The following TTYH2 variants were observed in gnomAD, a reference collection of about 807,000 sequenced individuals.
The protein encoded by TTYH2 is tweety family member 2.
TTYH2 carries 49 observed loss-of-function variants against 68.3 expected under a neutral mutation model. The observed-to-expected ratio is 0.72, with a 90% CI of 0.57 to 0.91. TTYH2 has a LOEUF of 0.91. TTYH2 is among the 40% of genes least tolerant of loss of function. TTYH2 has a pLI of 0.00. For missense variants in TTYH2, 631 were observed against 700.4 expected, an observed-to-expected ratio of 0.90 and a Z score of 1.12; for synonymous variants, 272 against 300.8, an observed-to-expected ratio of 0.90 and a Z score of 0.99.
chr17:74,243,944 G>C (rs535889583), intron 5 of TTYH2, 33 bp from the exon 6 acceptor site: 11 of 1,604,692 alleles, frequency 6.9e-6, no homozygotes, highest in Non-Finnish European at 9.3e-6. Flanking sequence ...AGGGGACCCC[G>C]CCTGCCAACG....
At chr17:74,219,123 A>C (rs918033453) in intron 1 of TTYH2, among the ~76,000 whole-genome samples, 1 of 152,062 alleles carries the variant, frequency 6.6e-6, no homozygotes, top group Admixed American at 6.5e-5. Context: ...AGGCTGAGGC[A>C]GGAGAATCAC....
rs2050521984 is a variant in TTYH2, at chr17:74,243,415, T to C, written c.677T>C (p.Ile226Thr). The change falls in exon 5 of 14, where the codon ATC becomes ACC. Residue 226 changes from isoleucine (I) to threonine (T), a missense_variant. Transcript: ENST00000269346. ...CTGCTCTTTATCCTGGACCTGGTCATCTGCCTCATTGCCTGCCTGGGACTG... is the reference window on the plus strand; with the variant it reads ...CTGCTCTTTATCCTGGACCTGGTCACCTGCCTCATTGCCTGCCTGGGACTG... The part of the protein sequence containing the change: ...YLLLFILDLV[I>T]CLIACLGLAK... 1.2e-6 allele frequency: 2 copies of C among 1,614,212 alleles called. No individual in the cohort carries two copies. Among genetic ancestry groups the C allele is most frequent in the East Asian group, 4.5e-5 (2 of 44,886 alleles).
chr17:74,231,941 TG>T (rs1242424175), intron 3 of TTYH2, among the ~76,000 whole-genome samples: 1 of 152,134 alleles, frequency 6.6e-6, no homozygotes, highest in Non-Finnish European at 1.5e-5. Flanking sequence ...GCTGGGGACC[TG>T]GCCCAGGGAG....
chr17:74,251,294 T>G (rs1598231983), intron 10 of TTYH2, among the ~76,000 whole-genome samples: 1 of 149,476 alleles, frequency 6.7e-6, no homozygotes, highest in Non-Finnish European at 1.5e-5. Context: ...ATGTGTGTGG[T>G]GTGTGTGCAT....
At chr17:74,235,379 C>T (rs554403914) in intron 3 of TTYH2, among the ~76,000 whole-genome samples, 5 of 152,328 alleles carry the variant, frequency 3.3e-5, no homozygotes, top group East Asian at 3.9e-4. Flanking sequence ...GCCCCACTCC[C>T]GGCCCGTTGT....
intron 2 of TTYH2, among the ~76,000 whole-genome samples, chr17:74,230,581 T>C (rs2050378275): frequency 6.6e-6 from 1 of 152,028 alleles, no homozygotes; most frequent in African/African-American, 2.4e-5. Flanking sequence ...GCAGCAGATA[T>C]ATGGGAACTC....
At chr17:74,218,799 G>A (rs373654636) in intron 1 of TTYH2, among the ~76,000 whole-genome samples, 1 of 152,198 alleles carries the variant, frequency 6.6e-6, no homozygotes, top group Non-Finnish European at 1.5e-5. Context: ...AGATTCAGGA[G>A]CTTTTCCCAC....
intron 4 of TTYH2, among the ~76,000 whole-genome samples, chr17:74,240,438 CAAA>C (rs762865595): frequency 2.5e-5 from 3 of 117,836 alleles, no homozygotes; most frequent in Non-Finnish European, 3.7e-5. Context: ...GACTCTGTCT[CAAA>C]AAAAAAAAAA....
chr17:74,244,302 C>T (rs1418540216), intron 6 of TTYH2, among the ~76,000 whole-genome samples: 1 of 152,230 alleles, frequency 6.6e-6, no homozygotes, highest in African/African-American at 2.4e-5. Flanking sequence ...GAGAGAAGCC[C>T]CCGGCTGCCC....
chr17:74,248,941 G>A (rs917176650), intron 6 of TTYH2, 70 bp from the exon 7 acceptor site: 87 of 1,606,356 alleles, frequency 5.4e-5, no homozygotes, highest in South Asian at 7.7e-5. Context: ...ATGGGCTCCC[G>A]GCTCCTCCCA....
Position 74,243,993 on chromosome 17 carries a change from G to A in TTYH2, c.748G>A (p.Ala250Thr). The A allele has an allele frequency of 6.2e-7, 1 of 1,612,180 alleles. No homozygotes were observed. The highest frequency in any genetic ancestry group is 8.5e-7 in the Non-Finnish European group (1 of 1,179,944). ...CTCTCCTAGGATGCTGTGCTGTGGG[G>A]CACTGAGCCTGCTCCTCAGTTGGGC... is the stretch of plus-strand genomic sequence containing the variant. The part of the protein sequence containing the change: ...CLLASMLCCG[A>T]LSLLLSWASL... Residue 250 changes from alanine (A) to threonine (T), a missense_variant, in exon 6 of 14, where the codon GCA becomes ACA. Coordinates refer to ENST00000269346, the MANE Select transcript of TTYH2 (RefSeq NM_032646.6).
At chr17:74,249,195 A>C (rs1363348889) in intron 7 of TTYH2, 115 bp downstream of exon 7, 2 of 1,565,928 alleles carry the variant, frequency 1.3e-6, no homozygotes, top group Non-Finnish European at 1.8e-6. Flanking sequence ...CTGAACTTCA[A>C]GTCCAGCTCA....
intron 4 of TTYH2, among the ~76,000 whole-genome samples, chr17:74,242,790 C>T (rs1485103393): frequency 6.6e-6 from 1 of 152,056 alleles, no homozygotes; most frequent in African/African-American, 2.4e-5. Flanking sequence ...GAGGCAGGCA[C>T]CTTAGGGGCT....
At chr17:74,257,805 G>T (rs1193654167) in intron 13 of TTYH2, among the ~76,000 whole-genome samples, 2 of 152,186 alleles carry the variant, frequency 1.3e-5, no homozygotes, top group African/African-American at 4.8e-5. Flanking sequence ...AGGAGCCTGG[G>T]AGATTCTAAG....
At chr17:74,238,943 TC>T (rs2050471929) in intron 4 of TTYH2, among the ~76,000 whole-genome samples, 1 of 151,994 alleles carries the variant, frequency 6.6e-6, no homozygotes, top group Middle Eastern at 3.4e-3. Flanking sequence ...ACTCCTGGCC[TC>T]AAGCAATCCT....
At position 74,243,455 on chromosome 17, in the gene TTYH2, G is replaced by A. The variant is rs772349848; in HGVS notation, c.717G>A (p.Lys239=). ...IACLGLAKRS[K]CLLASMLCCG... ...GCCTGGGACTGGCCAAGCGCTCCAA[G>A]TGTCTCCTGGCCTCGTGAGTATCCC... The change falls in exon 5 of 14, where the codon AAG becomes AAA. Residue 239 remains lysine, a synonymous_variant. Transcript: ENST00000269346. The A allele has an allele frequency of 8.1e-6, 13 of 1,614,182 alleles. No homozygotes were observed. Among genetic ancestry groups the A allele is most frequent in the Non-Finnish European group, 1.1e-5 (13 of 1,180,022 alleles).
chr17:74,249,474 A>G (rs1870991), intron 8 of TTYH2, 75 bp downstream of exon 8: 605,939 of 1,523,892 alleles, frequency 0.4, 124,316 homozygotes, highest in African/African-American at 0.55. Context: ...CCACTGACCA[A>G]GATGGCGGAG....
rs530583179 is a variant in TTYH2 at position 74,219,969 on chromosome 17, T to C, written c.130-2516T>C. Among the ~76,000 whole-genome samples the C allele has an allele frequency of 4.6e-4, 70 of 152,146 alleles. No individual in the cohort carries two copies. The Middle Eastern group carries it at 0.017, about 37-fold the overall frequency. Reference sequence around the variant, plus strand: ...GTTACACAATGATTTGCAATTTTTTTTTTTTTTTGGCTTGGTTGGGGTTTT... The same window carrying C: ...GTTACACAATGATTTGCAATTTTTTCTTTTTTTTGGCTTGGTTGGGGTTTT... On this transcript the variant is annotated intron_variant, in intron 1 of 13. Coordinates refer to ENST00000269346, the MANE Select transcript of TTYH2 (RefSeq NM_032646.6).
In TTYH2 at chr17:74,215,523, T is replaced by A; in HGVS notation, c.129+1807T>A. On this transcript the variant is annotated intron_variant, in intron 1 of 13. Coordinates refer to ENST00000269346, the MANE Select transcript of TTYH2 (RefSeq NM_032646.6). The surrounding 1 kb of genome is among the most constrained non-coding windows in gnomAD (Gnocchi z 4.3). The stretch of plus-strand genomic sequence containing the variant: ...GCCCCGGCTCACTTTGTGCTGGGCA[T>A]CAAATGGTTCCAGAGGGTGTCCCTT... 1.9e-6 allele frequency: 2 copies of A among 1,052,918 alleles called. No homozygotes were observed. The highest frequency in any genetic ancestry group is 2.7e-6 in the Non-Finnish European group (2 of 735,338). The allele number at this position is 1,052,918 out of a possible 1,614,324, so 65.2% of individuals were successfully genotyped here. A position where few individuals can be genotyped will look rare whatever the true frequency, so the allele number is the denominator to read the frequency against.
Sources: allele counts gnomAD v4.1 joint callset (sites outside exome capture counted in the v4.1 genomes callset), GRCh38; gene constraint gnomAD v4.1.1; non-coding constraint Gnocchi (gnomAD v3.1); transcripts MANE v1.5; gene names NCBI Gene and HGNC (gene_info 2026-07-23, HGNC 2026-07-21).